The following FAM204A variants were observed in gnomAD, a reference collection of about 807,000 sequenced individuals.
FAM204A encodes the protein family with sequence similarity 204 member A.
FAM204A carries 16 observed loss-of-function variants against 35.4 expected under a neutral mutation model. That is an observed-to-expected ratio of 0.45 (90% CI 0.31 to 0.69). The LOEUF (loss-of-function observed/expected upper bound fraction) is 0.69. Among genes scored for constraint, FAM204A ranks in the 30% least tolerant of loss-of-function variants. The pLI is 0.07. For synonymous variants in FAM204A, 76 were observed against 86.9 expected, an observed-to-expected ratio of 0.88 and a Z score of 0.70; for missense variants, 240 against 265.7, an observed-to-expected ratio of 0.90 and a Z score of 0.67.
At chr10:118,333,543 C>T (rs904134351) in intron 6 of FAM204A, among the ~76,000 whole-genome samples, 3 of 152,150 alleles carry the variant, frequency 2.0e-5, no homozygotes, top group Admixed American at 1.3e-4. Flanking sequence ...ACCAACGATC[C>T]CAAACCAAAG....
chr10:118,313,475 T>C (rs1845984155), intron 7 of FAM204A, among the ~76,000 whole-genome samples: 1 of 152,132 alleles, frequency 6.6e-6, no homozygotes. Context: ...CTTGGAAATG[T>C]GGAGGTACAG....
chr10:118,321,660 A>G (rs1846117910), intron 7 of FAM204A, among the ~76,000 whole-genome samples: 1 of 151,738 alleles, frequency 6.6e-6, no homozygotes, highest in African/African-American at 2.4e-5. Context: ...ATAGCCCTTA[A>G]AAAATGGAAA....
chr10:118,338,049 G>T (rs1056126919), intron 2 of FAM204A, among the ~76,000 whole-genome samples: 1 of 152,172 alleles, frequency 6.6e-6, no homozygotes, highest in Non-Finnish European at 1.5e-5. Context: ...GGAATAAAAT[G>T]AGGGCAAATT....
rs142746023 is a variant in FAM204A, at chr10:118,311,231, C to T, written c.626G>A (p.Arg209Gln). The T allele has an allele frequency of 7.5e-5, 121 of 1,609,696 alleles. No individual in the cohort carries two copies. The highest frequency in any genetic ancestry group is 4.2e-4 in the East Asian group (19 of 44,830). Residue 209 changes from arginine to glutamine, a missense_variant, in exon 8 of 9, where the codon CGA (arginine) becomes CAA (glutamine). Arg to Gln is a conservative substitution (Grantham distance 43). Around this residue, in one of 2 missense-constraint regions of FAM204A, gnomAD observed 232 missense variants for 242.8 expected, o/e 0.96. Coordinates refer to ENST00000369183, the MANE Select transcript of FAM204A (RefSeq NM_022063.3). ...CCCCCATGCAAGTTTCTTCTTTTTTCGGGCAGCCTGTGAATTTTCAACCTC... is the reference window on the plus strand; with the variant it reads ...CCCCCATGCAAGTTTCTTCTTTTTTTGGGCAGCCTGTGAATTTTCAACCTC... ...KKEVENSQAARKKKKLAWGFE... is the reference protein window; with the variant it reads ...KKEVENSQAAQKKKKLAWGFE...
chr10:118,299,347 C>T lies in FAM204A; in HGVS notation c.*11510G>A, dbSNP rs1845782445. 1.4e-5 allele frequency: 2 copies of T among 140,894 alleles called. No individual in the cohort carries two copies. Among genetic ancestry groups the T allele is most frequent in the South Asian group, 2.3e-4 (1 of 4,312 alleles). The allele number at this position is 140,894 out of a possible 1,614,324, so 8.7% of individuals were successfully genotyped here. On this transcript the variant is annotated 3_prime_UTR_variant, in exon 9 of 9. Coordinates refer to ENST00000369183, the MANE Select transcript of FAM204A (RefSeq NM_022063.3). ...TTTTGAGGTCAAGCTAGGTACTTGACATGATTTGGTTTTGGAAAACCTCCT... is the reference window on the plus strand; with the variant it reads ...TTTTGAGGTCAAGCTAGGTACTTGATATGATTTGGTTTTGGAAAACCTCCT...
chr10:118,335,054 C>T (rs766728892), intron 6 of FAM204A, 60 bp downstream of exon 6: 37 of 1,234,806 alleles, frequency 3.0e-5, no homozygotes, highest in Middle Eastern at 1.9e-4. Context: ...GTACTTTAGG[C>T]GAGGCTAATC....
chr10:118,338,604 A>T lies in FAM204A; in HGVS notation c.-8-2181T>A, dbSNP rs548560292. ...CCCTGGGGACAGAAGTATATAAAAC[A>T]GGCAAAAATCCCTAGCCTCACGAAA... On this transcript the variant is annotated intron_variant, in intron 2 of 8. Coordinates refer to ENST00000369183, the MANE Select transcript of FAM204A (RefSeq NM_022063.3). 7.9e-5 allele frequency among the ~76,000 whole-genome samples: 12 copies of T among 152,352 alleles called. No individual in the cohort carries two copies. In the South Asian group the frequency reaches 1.2e-3, roughly 16 times the overall value.
intron 6 of FAM204A, among the ~76,000 whole-genome samples, chr10:118,328,323 T>A (rs571990514): frequency 6.6e-6 from 1 of 152,114 alleles, no homozygotes; most frequent in Non-Finnish European, 1.5e-5. Context: ...CAACCCACAA[T>A]TACCATTATC....
intron 6 of FAM204A, among the ~76,000 whole-genome samples, chr10:118,332,981 C>A (rs1846316327): frequency 6.6e-6 from 1 of 151,990 alleles, no homozygotes; most frequent in Non-Finnish European, 1.5e-5. Flanking sequence ...CTAGTAAGTC[C>A]CAGAACTGCT....
chr10:118,331,349 T>G, intron 6 of FAM204A, among the ~76,000 whole-genome samples: 1 of 152,164 alleles, frequency 6.6e-6, no homozygotes, highest in East Asian at 1.9e-4. Context: ...TTGGCTAGAA[T>G]CAAAACATAA....
chr10:118,319,725 G>A (rs1846082872), intron 7 of FAM204A, among the ~76,000 whole-genome samples: 1 of 151,794 alleles, frequency 6.6e-6, no homozygotes, highest in Non-Finnish European at 1.5e-5. Flanking sequence ...CAGCAAAGAT[G>A]GCAGCGCATT....
rs556668336 is a variant in FAM204A at position 118,298,699 on chromosome 10, A to G, written c.*12158T>C. ...AGATTATTGTTACGTCCACATTATT[A>G]TTTTTGGCACTAGGAAACATGAGGA... On this transcript the variant is annotated 3_prime_UTR_variant, in exon 9 of 9. Coordinates refer to ENST00000369183, the MANE Select transcript of FAM204A (RefSeq NM_022063.3). 1.6e-4 allele frequency: 25 copies of G among 152,304 alleles called. No homozygotes were observed. The highest frequency in any genetic ancestry group is 6.0e-4 in the African/African-American group (25 of 41,556). 9.4% of individuals were successfully genotyped at this position (152,304 alleles called of 1,614,324 possible).
intron 2 of FAM204A, among the ~76,000 whole-genome samples, 187 bp from the exon 3 acceptor site, chr10:118,336,610 T>G (rs1009942566): frequency 6.6e-6 from 1 of 151,894 alleles, no homozygotes; most frequent in African/African-American, 2.4e-5. Context: ...TCTTCACTTG[T>G]GTAAGTAAAA....
intron 7 of FAM204A, among the ~76,000 whole-genome samples, chr10:118,320,767 C>A (rs988360902): frequency 6.6e-6 from 1 of 151,980 alleles, no homozygotes; most frequent in Non-Finnish European, 1.5e-5. Context: ...ATCCCCCAAA[C>A]CAGATTCTAC....
intron 4 of FAM204A, 30 bp downstream of exon 4, chr10:118,335,524 C>A (rs753394196): frequency 5.6e-6 from 9 of 1,597,134 alleles, no homozygotes; most frequent in Non-Finnish European, 7.7e-6. Flanking sequence ...AGCATTAGCA[C>A]GACGAACAAC....
In FAM204A at chr10:118,308,027, T is replaced by C. The variant is rs1268198203; in HGVS notation, c.*2830A>G. 1 of 152,226 alleles carries C rather than the reference T, an allele frequency of 6.6e-6. No homozygotes were observed. Among genetic ancestry groups the C allele is most frequent in the Non-Finnish European group, 1.5e-5 (1 of 68,044 alleles). 9.4% of individuals were successfully genotyped at this position (152,226 alleles called of 1,614,324 possible). On this transcript the variant is annotated 3_prime_UTR_variant, in exon 9 of 9. Transcript: ENST00000369183. ...AAGATTATATATTCAATCTCTCCTT[T>C]CGGTGAAAGACATAGAATGTTCTGC...
intron 2 of FAM204A, chr10:118,337,271 A>G: frequency 1.0e-6 from 1 of 983,142 alleles, no homozygotes; most frequent in South Asian, 4.7e-5. Context: ...ACATATATTG[A>G]GCCAAAACCA....
At chr10:118,311,161 C>G in intron 8 of FAM204A, 46 bp downstream of exon 8, 1 of 1,520,126 alleles carries the variant, frequency 6.6e-7, no homozygotes, top group Non-Finnish European at 9.0e-7. Flanking sequence ...AGCAGAATTT[C>G]TATGAAGTCA....
intron 6 of FAM204A, among the ~76,000 whole-genome samples, chr10:118,326,798 T>TAG (rs1359826867): frequency 1.3e-5 from 2 of 152,146 alleles, no homozygotes; most frequent in African/African-American, 4.8e-5. Context: ...CCCATTCCTA[T>TAG]AGCTCAGGAC....
Sources: allele counts gnomAD v4.1 joint callset (sites outside exome capture counted in the v4.1 genomes callset), GRCh38; gene constraint gnomAD v4.1.1; regional missense constraint gnomAD v4.1.1; transcripts MANE v1.5; gene names NCBI Gene and HGNC (gene_info 2026-07-23, HGNC 2026-07-21).